SAMD3: variants seen among roughly 807,000 people sequenced by gnomAD.
The protein encoded by SAMD3 is sterile alpha motif domain containing 3, also known as sterile alpha motif domain-containing protein 3.
A neutral mutation model predicts 58.5 loss-of-function variants in SAMD3; 63 were observed. That is an observed-to-expected ratio of 1.08 (90% CI 0.88 to 1.33). The LOEUF is 1.33. Among genes scored for constraint, SAMD3 ranks in the 40% most tolerant of loss-of-function variants. The pLI, the probability that SAMD3 is intolerant of heterozygous loss-of-function variation, is 0.00. For synonymous variants in SAMD3, 220 were observed against 210.3 expected, an observed-to-expected ratio of 1.05 and a Z score of -0.40; for missense variants, 604 against 608.4, an observed-to-expected ratio of 0.99 and a Z score of 0.08.
At chr6:130,358,070 C>T (rs1777885935) in intron 1 of SAMD3, among the ~76,000 whole-genome samples, 1 of 152,154 alleles carries the variant, frequency 6.6e-6, no homozygotes, top group Admixed American at 6.5e-5. Flanking sequence ...CTCTTTTTAT[C>T]TACTGTGGGT....
chr6:130,212,696 T>C (rs2114838696), intron 4 of SAMD3, among the ~76,000 whole-genome samples: 1 of 152,326 alleles, frequency 6.6e-6, no homozygotes, highest in Admixed American at 6.5e-5. Context: ...TAGTTCTCTT[T>C]TACTTGAGAA....
chr6:130,291,254 C>A (rs1775352020), intron 2 of SAMD3, among the ~76,000 whole-genome samples: 1 of 152,114 alleles, frequency 6.6e-6, no homozygotes, highest in South Asian at 2.1e-4. Flanking sequence ...CCACACCTGG[C>A]TTTTTATTTA....
chr6:130,146,187 A>C lies in SAMD3; in HGVS notation c.1024-6T>G, dbSNP rs1788612832. ...AGTTGGAATTCTCTGAACATCTGAC[A>C]AAAGAAGAAAGCAATGGATACATCA... On this transcript the variant is annotated splice_region_variant and splice_polypyrimidine_tract_variant and intron_variant, in intron 9 of 11. Transcript: ENST00000439090. The C allele has an allele frequency of 1.3e-6, 2 of 1,559,196 alleles. No homozygotes were observed. The highest frequency in any genetic ancestry group is 1.4e-5 in the African/African-American group (1 of 72,720).
At chr6:130,161,622 A>G (rs768758665) in intron 8 of SAMD3, 26 of 152,198 alleles carry the variant, frequency 1.7e-4, no homozygotes, top group Admixed American at 1.2e-3. Flanking sequence ...TTAGATTTAT[A>G]TATTGTTAGA....
At chr6:130,233,031 G>C (rs1186233035) in intron 2 of SAMD3, among the ~76,000 whole-genome samples, 2 of 152,056 alleles carry the variant, frequency 1.3e-5, no homozygotes, top group African/African-American at 2.4e-5. Flanking sequence ...CTGTCCTTCA[G>C]GAAGGACAGC....
At chr6:130,235,873 A>T (rs1488279916) in intron 2 of SAMD3, among the ~76,000 whole-genome samples, 1 of 152,170 alleles carries the variant, frequency 6.6e-6, no homozygotes, top group East Asian at 1.9e-4. Context: ...ATTTACAGGT[A>T]TTGTATCATT....
At chr6:130,203,438 G>A (rs1170727751) in intron 5 of SAMD3, among the ~76,000 whole-genome samples, 1 of 152,054 alleles carries the variant, frequency 6.6e-6, no homozygotes, top group Non-Finnish European at 1.5e-5. Context: ...TACCAACCCT[G>A]GTTATTAGCA....
At chr6:130,180,908 G>C (rs1792246538) in intron 7 of SAMD3, among the ~76,000 whole-genome samples, 2 of 146,058 alleles carry the variant, frequency 1.4e-5, no homozygotes, top group South Asian at 4.4e-4. Context: ...TTCAACTTTT[G>C]TTCAGATTTG....
At chr6:130,170,001 AT>A (rs1791094599) in intron 8 of SAMD3, among the ~76,000 whole-genome samples, 2 of 104,938 alleles carry the variant, frequency 1.9e-5, no homozygotes, top group Non-Finnish European at 3.8e-5. Flanking sequence ...AAAGTAACTT[AT>A]GCATAATGTA....
intron 2 of SAMD3, among the ~76,000 whole-genome samples, chr6:130,300,327 C>T (rs1204030097): frequency 1.3e-5 from 2 of 152,112 alleles, no homozygotes; most frequent in Non-Finnish European, 2.9e-5. Flanking sequence ...AAATGTGATT[C>T]ATCACATAAA....
intron 5 of SAMD3, 44 bp downstream of exon 5, chr6:130,209,451 G>T: frequency 1.0e-6 from 1 of 1,002,618 alleles, no homozygotes; most frequent in Non-Finnish European, 1.5e-6. Context: ...AAATAGAGAA[G>T]AATGTTATTT....
Position 130,261,571 on chromosome 6 carries a change from ATTC to A in SAMD3, c.-187-38761_-187-38759del, listed in dbSNP as rs1247651787. 2.0e-4 allele frequency among the ~76,000 whole-genome samples: 31 copies of A among 152,156 alleles called. 1 individual carries two copies. Among genetic ancestry groups the A allele is most frequent in the Admixed American group, 1.8e-3 (27 of 15,280 alleles). ...AAGTGTGTGTGTGCCCTTTTTACCC[ATTC>A]TTTGTTTTGTGGTGTGTGTGTGGTG... is the stretch of plus-strand genomic sequence containing the variant. On this transcript the variant is annotated intron_variant, in intron 2 of 13. Coordinates refer to the SAMD3 transcript ENST00000368134.
intron 2 of SAMD3, among the ~76,000 whole-genome samples, chr6:130,258,077 T>C (rs1431692578): frequency 1.3e-5 from 2 of 152,138 alleles, no homozygotes; most frequent in African/African-American, 2.4e-5. Flanking sequence ...GGAATAAATA[T>C]ATAACTATTT....
Position 130,262,637 on chromosome 6 carries a change from A to T in SAMD3, c.-187-39824T>A, listed in dbSNP as rs576458454. ...TCATGCAAGAAATGTTGTATAATTT[A>T]AAAGTAATTAGGCCTCCTAAATGTA... is the stretch of plus-strand genomic sequence containing the variant. On this transcript the variant is annotated intron_variant, in intron 2 of 13. Coordinates refer to the SAMD3 transcript ENST00000368134. Among the ~76,000 whole-genome samples the T allele has an allele frequency of 6.6e-5, 10 of 152,228 alleles. No homozygotes were observed. In the South Asian group the frequency reaches 2.1e-3, roughly 32 times the overall value.
In SAMD3 at chr6:130,214,329, A is replaced by G. The variant is rs543941520; in HGVS notation, c.269+8T>C. ...AAAAAAAATAAGGCCATTTATGAAC[A>G]TACTCACTCTCGAGCTGCTTCTGTT... is the stretch of plus-strand genomic sequence containing the variant. On this transcript the variant is annotated splice_region_variant and intron_variant, in intron 4 of 11. Transcript: ENST00000439090. 1.3e-6 allele frequency: 2 copies of G among 1,567,190 alleles called. No homozygotes were observed. Among genetic ancestry groups the G allele is most frequent in the Non-Finnish European group, 1.7e-6 (2 of 1,159,332 alleles).
chr6:130,181,095 C>T (rs964069971), intron 7 of SAMD3, among the ~76,000 whole-genome samples: 3 of 151,664 alleles, frequency 2.0e-5, no homozygotes, highest in Non-Finnish European at 4.4e-5. Flanking sequence ...TAAAGGTGCC[C>T]ACCACCATGC....
intron 1 of SAMD3, among the ~76,000 whole-genome samples, chr6:130,356,530 T>C (rs1356266221): frequency 2.0e-5 from 3 of 152,256 alleles, no homozygotes; most frequent in Non-Finnish European, 4.4e-5. Flanking sequence ...ATATTACATA[T>C]GTAATTATTA....
intron 1 of SAMD3, among the ~76,000 whole-genome samples, chr6:130,346,315 T>C (rs1232083119): frequency 6.6e-6 from 1 of 152,164 alleles, no homozygotes; most frequent in African/African-American, 2.4e-5. Flanking sequence ...GGAATTCCCT[T>C]TCCTAGTCAA....
intron 1 of SAMD3, among the ~76,000 whole-genome samples, chr6:130,323,104 T>G (rs1776639977): frequency 6.6e-6 from 1 of 152,194 alleles, no homozygotes; most frequent in African/African-American, 2.4e-5. Context: ...GCAAATAATG[T>G]CTGCTGTTCA....
Sources: allele counts gnomAD v4.1 joint callset (sites outside exome capture counted in the v4.1 genomes callset), GRCh38; gene constraint gnomAD v4.1.1; transcripts MANE v1.5; gene names NCBI Gene and HGNC (gene_info 2026-07-23, HGNC 2026-07-21).